Variants in GPC3 observed in about 807,000 individuals in gnomAD.
GPC3 encodes the protein glypican 3.
In GPC3, 3 loss-of-function variants were observed where a neutral mutation model predicts 34.4. The observed-to-expected ratio is 0.09, with a 90% CI of 0.04 to 0.23. GPC3 has a LOEUF of 0.23. Among genes scored for constraint, GPC3 ranks in the 10% least tolerant of loss-of-function variants. The pLI is 1.00. For missense variants in GPC3, 351 were observed against 445.6 expected (o/e 0.79, Z 1.91); for synonymous variants, 177 against 174.0 (o/e 1.02, Z -0.13).
chrX:133,589,928 C>G (rs984353154), intron 7 of GPC3, among the ~76,000 whole-genome samples: 2 of 111,218 alleles, frequency 1.8e-5, no homozygotes, highest in Admixed American at 9.6e-5. Flanking sequence ...TGTGCCCCAT[C>G]CAAAATTCAT....
Position 133,985,412 on chromosome X carries a change from G to C in GPC3, c.38C>G (p.Ala13Gly). 1 of 1,184,743 alleles carries C rather than the reference G, an allele frequency of 8.4e-7. No individual in the cohort carries two copies. Among genetic ancestry groups the C allele is most frequent in the Non-Finnish European group, 1.1e-6 (1 of 881,919 alleles). The part of the protein sequence containing the change: ...GTVRTACLVV[A>G]MLLSLDFPGQ... ...CGGGAAGTCCAAGCTGAGCAGCATC[G>C]CCACCACCAAGCACGCGGTGCGCAC... is the stretch of plus-strand genomic sequence containing the variant. Residue 13 changes from alanine (A) to glycine (G), a missense_variant, in exon 1 of 8, where the codon GCG becomes GGG. Ala to Gly is a moderately conservative substitution (Grantham distance 60). Transcript: ENST00000370818.
At chrX:133,779,821 T>G (rs1019787553) in intron 2 of GPC3, among the ~76,000 whole-genome samples, 4 of 111,098 alleles carry the variant, frequency 3.6e-5, no homozygotes, top group African/African-American at 1.3e-4. Flanking sequence ...CACATCCTGG[T>G]CCTGACTATC....
At chrX:133,781,086 G>C (rs778131758) in intron 2 of GPC3, among the ~76,000 whole-genome samples, 18 of 111,465 alleles carry the variant, frequency 1.6e-4, no homozygotes, top group African/African-American at 5.2e-4. Flanking sequence ...CTTGCATCTT[G>C]TTTCTTTTTA....
chrX:133,697,595 C>T (rs1215628944), intron 4 of GPC3, among the ~76,000 whole-genome samples: 1 of 111,965 alleles, frequency 8.9e-6, no homozygotes, highest in African/African-American at 3.2e-5. Flanking sequence ...ACTCACCCCC[C>T]AATGTATGGA....
intron 2 of GPC3, among the ~76,000 whole-genome samples, chrX:133,831,684 C>T (rs1185002470): frequency 2.7e-5 from 3 of 111,277 alleles, no homozygotes; most frequent in African/African-American, 9.9e-5. Flanking sequence ...GAGCTGAGAT[C>T]GTGCCATTGC....
At chrX:133,902,225 AAAG>A (rs955768998) in intron 2 of GPC3, among the ~76,000 whole-genome samples, 1 of 112,860 alleles carries the variant, frequency 8.9e-6, no homozygotes, top group Non-Finnish European at 1.9e-5. Context: ...AGTTTTATTT[AAAG>A]AAGGACACTT....
chrX:133,679,553 G>A (rs768360599), intron 5 of GPC3, among the ~76,000 whole-genome samples: 1 of 111,314 alleles, frequency 9.0e-6, no homozygotes, highest in East Asian at 2.8e-4. Flanking sequence ...TTCATCCTAC[G>A]AATTCAATAA....
At chrX:133,595,219 T>C (rs1010145275) in intron 7 of GPC3, among the ~76,000 whole-genome samples, 1 of 110,849 alleles carries the variant, frequency 9.0e-6, no homozygotes, top group Non-Finnish European at 1.9e-5. Flanking sequence ...GCCAGAGAAA[T>C]AGGAACATTT....
intron 1 of GPC3, among the ~76,000 whole-genome samples, chrX:133,972,814 G>C (rs184274146): frequency 9.0e-6 from 1 of 111,597 alleles, no homozygotes; most frequent in African/African-American, 3.3e-5. Context: ...AATATAGAAC[G>C]TTAAGGAGAG....
At chrX:133,542,234 G>T (rs1475149100) in intron 7 of GPC3, among the ~76,000 whole-genome samples, 3 of 111,972 alleles carry the variant, frequency 2.7e-5, no homozygotes. Context: ...ATCCATGCTG[G>T]ATTGTTTCTG....
chrX:133,736,712 G>A (rs903761084), intron 3 of GPC3, among the ~76,000 whole-genome samples: 2 of 111,681 alleles, frequency 1.8e-5, no homozygotes, highest in African/African-American at 3.3e-5. Context: ...TGCCAGGTAT[G>A]GGGGACAGGG....
At chrX:133,959,274 CA>C (rs2076432038) in intron 1 of GPC3, among the ~76,000 whole-genome samples, 1 of 111,890 alleles carries the variant, frequency 8.9e-6, no homozygotes, top group Non-Finnish European at 1.9e-5. Context: ...TTTCTTTAGT[CA>C]CCTCCCCCAG....
intron 5 of GPC3, among the ~76,000 whole-genome samples, chrX:133,683,040 G>A (rs184761067): frequency 1.1e-4 from 12 of 109,560 alleles, no homozygotes; most frequent in Non-Finnish European, 1.9e-4. Flanking sequence ...TAATCACCTA[G>A]TGTATGTTTC....
intron 2 of GPC3, among the ~76,000 whole-genome samples, chrX:133,768,423 CA>C (rs935249173): frequency 9.0e-6 from 1 of 111,072 alleles, no homozygotes; most frequent in African/African-American, 3.3e-5. Context: ...AGAGTATATA[CA>C]TACCTGAACA....
In GPC3 at chrX:133,915,834, C is replaced by A. The variant is rs143357085; in HGVS notation, c.337+37216G>T. On this transcript the variant is annotated intron_variant, in intron 2 of 7. Coordinates refer to ENST00000370818, the MANE Select transcript of GPC3 (RefSeq NM_004484.4). ...AGACAGATACTCTCAAACCAGCAGA[C>A]TGATTCTCATTAAGATAGTTACAAT... Among the ~76,000 whole-genome samples, 431 of 112,205 alleles carry A rather than the reference C, an allele frequency of 3.8e-3. 23 individuals carry two copies. The East Asian group carries it at 0.11, about 29-fold the overall frequency.
At chrX:133,656,548 G>A (rs1467931231) in intron 6 of GPC3, among the ~76,000 whole-genome samples, 2 of 112,203 alleles carry the variant, frequency 1.8e-5, no homozygotes, top group Non-Finnish European at 3.8e-5. Context: ...GGATAGGAAA[G>A]AGCTTTGCAA....
At chrX:133,829,545 T>C (rs73567057) in intron 2 of GPC3, among the ~76,000 whole-genome samples, 9,400 of 111,462 alleles carry the variant, frequency 0.084, 672 homozygotes, top group African/African-American at 0.23. Context: ...GCATTCTCCA[T>C]GGCAGACCAA....
At chrX:133,596,640 TCTCAGGTGGGTCTGCACAG>T (rs775565164) in intron 6 of GPC3, 41 bp from the exon 7 acceptor site, 89 of 1,155,812 alleles carry the variant, frequency 7.7e-5, no homozygotes, top group Non-Finnish European at 1.0e-4. Flanking sequence ...TCTTCATATT[TCTCAGGTGGGTCTGCACAG>T]TGTGTTATTA....
At chrX:133,653,569 C>A (rs1310375794) in intron 6 of GPC3, among the ~76,000 whole-genome samples, 1 of 111,717 alleles carries the variant, frequency 9.0e-6, no homozygotes, top group Admixed American at 9.6e-5. Context: ...AGGCCATGAG[C>A]AACAGGTCTT....
Sources: gnomAD v4.1 joint callset for allele counts (sites outside exome capture counted in the v4.1 genomes callset) on GRCh38, gnomAD v4.1.1 for gene constraint, MANE v1.5 for transcripts, NCBI Gene and HGNC (gene_info 2026-07-23, HGNC 2026-07-21) for gene names.